The following MYO16 variants were observed in gnomAD, a reference collection of about 807,000 sequenced individuals.
The protein encoded by MYO16 is myosin XVI, also known as unconventional myosin-XVI.
In MYO16, 94 loss-of-function variants were observed where a neutral mutation model predicts 205.3. The observed-to-expected ratio is 0.46, with a 90% CI of 0.39 to 0.54. MYO16 has a LOEUF of 0.54. Ranked by LOEUF, MYO16 falls within the 20% of genes least tolerant of loss-of-function variation. The probability of loss-of-function intolerance (pLI) is 0.00; values close to 1 mark genes in which losing one functional copy is unlikely to be tolerated. For missense variants in MYO16, 2,315 were observed against 2,387.5 expected, an observed-to-expected ratio of 0.97 and a Z score of 0.63; for synonymous variants, 988 against 954.0, an observed-to-expected ratio of 1.04 and a Z score of -0.66.
At chr13:109,020,372 C>T (rs1057354544) in intron 23 of MYO16, among the ~76,000 whole-genome samples, 1 of 152,184 alleles carries the variant, frequency 6.6e-6, no homozygotes, top group African/African-American at 2.4e-5. Flanking sequence ...AAACATGCTT[C>T]TTACTTCAAC....
chr13:108,777,267 G>A (rs114879344), intron 4 of MYO16, among the ~76,000 whole-genome samples: 108 of 152,214 alleles, frequency 7.1e-4, no homozygotes, highest in African/African-American at 2.4e-3. Flanking sequence ...ACTAGCCAGC[G>A]TCCAGTAGAA....
chr13:108,503,065 A>T, the MYO16 span, among the ~76,000 whole-genome samples: 1 of 152,200 alleles, frequency 6.6e-6, no homozygotes, highest in East Asian at 1.9e-4. Flanking sequence ...TTTCTAAGGA[A>T]GGGAGTTTGC....
intron 1 of MYO16, among the ~76,000 whole-genome samples, chr13:108,606,282 T>C (rs1016082941): frequency 2.6e-5 from 4 of 152,158 alleles, no homozygotes. Flanking sequence ...AATGGGGAAT[T>C]TGTCTCCAAG....
intron 28 of MYO16, among the ~76,000 whole-genome samples, chr13:109,102,221 A>G (rs1189279753): frequency 2.0e-5 from 3 of 152,124 alleles, no homozygotes; most frequent in African/African-American, 4.8e-5. Context: ...GGGAAGGAGG[A>G]AGAAGGAGGA....
At chr13:109,126,929 G>A (rs1216824308) in intron 30 of MYO16, among the ~76,000 whole-genome samples, 1 of 152,188 alleles carries the variant, frequency 6.6e-6, no homozygotes, top group Non-Finnish European at 1.5e-5. Context: ...TGAAATTCTG[G>A]TTTTTTGATT....
chr13:109,124,441 T>G (rs1594105452), intron 29 of MYO16, among the ~76,000 whole-genome samples: 1 of 152,226 alleles, frequency 6.6e-6, no homozygotes, highest in Non-Finnish European at 1.5e-5. Flanking sequence ...GTTTCAGAAT[T>G]GAATGACGCA....
chr13:109,189,516 T>C (rs1879823145), intron 34 of MYO16, among the ~76,000 whole-genome samples: 1 of 152,258 alleles, frequency 6.6e-6, no homozygotes, highest in African/African-American at 2.4e-5. Context: ...ATTAAAATTG[T>C]AATATATGAA....
intron 27 of MYO16, among the ~76,000 whole-genome samples, chr13:109,090,261 G>C (rs1012548929): frequency 6.6e-6 from 1 of 152,224 alleles, no homozygotes; most frequent in African/African-American, 2.4e-5. Flanking sequence ...CCCTGTAGAT[G>C]TGAAAATAAA....
At chr13:108,938,640 A>AG (rs772773131) in intron 16 of MYO16, among the ~76,000 whole-genome samples, 6 of 152,208 alleles carry the variant, frequency 3.9e-5, no homozygotes, top group Admixed American at 1.3e-4. Flanking sequence ...TGGAGCAGAG[A>AG]GGGACCCCCT....
the MYO16 span, among the ~76,000 whole-genome samples, chr13:108,528,372 A>C: frequency 3.9e-5 from 6 of 152,136 alleles, no homozygotes; most frequent in Non-Finnish European, 8.8e-5. Flanking sequence ...TTGGGATGAC[A>C]AACGTTAGGT....
At chr13:108,643,950 C>T (rs1371229688) in intron 1 of MYO16, among the ~76,000 whole-genome samples, 3 of 152,126 alleles carry the variant, frequency 2.0e-5, no homozygotes, top group Admixed American at 2.0e-4. Context: ...ATTATTAAGC[C>T]ATGGGATGGG....
chr13:108,596,484 A>T (rs1878563453), intron 1 of MYO16, among the ~76,000 whole-genome samples: 1 of 152,220 alleles, frequency 6.6e-6, no homozygotes, highest in Non-Finnish European at 1.5e-5. Flanking sequence ...AGCTAAAAAA[A>T]AAAGTCCAAA....
Position 108,957,780 on chromosome 13 carries a change from T to C in MYO16, c.2018T>C (p.Val673Ala). The change falls in exon 17 of 35, where the codon GTA becomes GCA. Residue 673 changes from valine (V) to alanine (A), a missense_variant. Physicochemically the swap from Val to Ala is moderately conservative, Grantham distance 64 (BLOSUM62 0). Around this residue, in one of 3 missense-constraint regions of MYO16, gnomAD observed 1,213 missense variants for 1,274.4 expected, o/e 0.95. Transcript: ENST00000457511. ...GCTGTTTTGAAACGAGCCCTGAATGTAGTTGGCTTCAGCAGCTTGGTGAGT... is the reference window on the plus strand; with the variant it reads ...GCTGTTTTGAAACGAGCCCTGAATGCAGTTGGCTTCAGCAGCTTGGTGAGT... Reference protein sequence around the residue: ...KLAVLKRALNVVGFSSLEVEN... With the variant: ...KLAVLKRALNAVGFSSLEVEN... The C allele has an allele frequency of 6.2e-7, 1 of 1,613,702 alleles. No individual in the cohort carries two copies. The highest frequency in any genetic ancestry group is 8.5e-7 in the Non-Finnish European group (1 of 1,179,632).
chr13:108,628,595 T>C (rs1276983197), upstream of MYO16, among the ~76,000 whole-genome samples: 1 of 152,192 alleles, frequency 6.6e-6, no homozygotes, highest in East Asian at 1.9e-4. Context: ...AATCTTCAAC[T>C]TATTATTTTA....
At chr13:108,764,020 GAGA>G (rs1885700233) in intron 4 of MYO16, among the ~76,000 whole-genome samples, 1 of 152,102 alleles carries the variant, frequency 6.6e-6, no homozygotes, top group African/African-American at 2.4e-5. Context: ...TGAAAGTCAA[GAGA>G]AAAATAAATT....
intron 4 of MYO16, 108 bp downstream of exon 4, chr13:108,727,691 C>T: frequency 8.0e-7 from 1 of 1,254,378 alleles, no homozygotes; most frequent in Non-Finnish European, 1.1e-6. Context: ...TGAGAAAAAT[C>T]TGCATATGTT....
At chr13:109,155,326 A>T (rs1159577861) in intron 32 of MYO16, among the ~76,000 whole-genome samples, 1 of 152,090 alleles carries the variant, frequency 6.6e-6, no homozygotes, top group East Asian at 1.9e-4. Context: ...GGCACTCGCT[A>T]CCAGAGAAGA....
chr13:108,629,126 A>G (rs1566514006), upstream of MYO16: 1 of 152,196 alleles, frequency 6.6e-6, no homozygotes, highest in Non-Finnish European at 1.5e-5. Flanking sequence ...AGCTATGCAA[A>G]CCAAAAGCTT....
At chr13:109,068,608 G>A (rs1268423113) in intron 27 of MYO16, among the ~76,000 whole-genome samples, 1 of 69,628 alleles carries the variant, frequency 1.4e-5, no homozygotes, top group African/African-American at 5.6e-5. Context: ...TTTTTTTTTT[G>A]AGGTGGAGTT....
Sources: allele counts gnomAD v4.1 joint callset (sites outside exome capture counted in the v4.1 genomes callset), GRCh38; gene constraint gnomAD v4.1.1; regional missense constraint gnomAD v4.1.1; transcripts MANE v1.5; gene names NCBI Gene and HGNC (gene_info 2026-07-23, HGNC 2026-07-21).